Variants in MAP4K4 observed in about 807,000 individuals in gnomAD.
The protein encoded by MAP4K4 is mitogen-activated protein kinase kinase kinase kinase 4, also known as HPK/GCK-like kinase HGK.
Under a neutral mutation model 189.6 loss-of-function variants are expected in MAP4K4, and 38 were observed. That is an observed-to-expected ratio of 0.20 (90% confidence interval 0.15 to 0.26). The LOEUF (loss-of-function observed/expected upper bound fraction) is 0.26, where lower values mean the gene tolerates loss of function less well. MAP4K4 is among the 10% of genes least tolerant of loss of function. The pLI, the probability that MAP4K4 is intolerant of heterozygous loss-of-function variation, is 1.00. For missense variants in MAP4K4, 1,054 were observed against 1,726.9 expected (o/e 0.61, Z 6.91); for synonymous variants, 610 against 624.3 (o/e 0.98, Z 0.34).
chr2:101,739,097 C>A (rs945757282), intron 2 of MAP4K4, among the ~76,000 whole-genome samples: 1 of 152,058 alleles, frequency 6.6e-6, no homozygotes, highest in Non-Finnish European at 1.5e-5. Context: ...CTGTGACTTA[C>A]GAATAGTACA....
chr2:101,747,582 C>G (rs983924832), intron 2 of MAP4K4, among the ~76,000 whole-genome samples: 7 of 152,172 alleles, frequency 4.6e-5, no homozygotes, highest in East Asian at 1.9e-4. Flanking sequence ...TAGAGAAGAT[C>G]TGCACTGCAA....
intron 3 of MAP4K4, among the ~76,000 whole-genome samples, chr2:101,817,327 T>C (rs2095791018): frequency 6.6e-6 from 1 of 152,124 alleles, no homozygotes. Flanking sequence ...AAGATCACCA[T>C]GTTCGTTATT....
At chr2:101,774,298 C>T (rs1276529167) in intron 2 of MAP4K4, among the ~76,000 whole-genome samples, 1 of 152,190 alleles carries the variant, frequency 6.6e-6, no homozygotes, top group Non-Finnish European at 1.5e-5. Flanking sequence ...ATTTGCATTT[C>T]TCTGATGATC....
At chr2:101,873,311 C>T (rs1298618311) in intron 24 of MAP4K4, among the ~76,000 whole-genome samples, 1 of 152,140 alleles carries the variant, frequency 6.6e-6, no homozygotes, top group African/African-American at 2.4e-5. Flanking sequence ...CATTTCAGAC[C>T]TCCTTTAGGA....
At chr2:101,870,824 C>T (rs1577129595) in intron 23 of MAP4K4, among the ~76,000 whole-genome samples, 1 of 152,034 alleles carries the variant, frequency 6.6e-6, no homozygotes, top group Admixed American at 6.5e-5. Context: ...ACAGTGGGAG[C>T]GGGTGAGGCA....
At chr2:101,824,343 G>A (rs1253697408) in intron 4 of MAP4K4, among the ~76,000 whole-genome samples, 2 of 152,114 alleles carry the variant, frequency 1.3e-5, no homozygotes, top group Non-Finnish European at 2.9e-5. Context: ...GAAATTAGGA[G>A]CTTGAAAGCA....
exon 18 of MAP4K4, chr2:101,864,933 C>A: frequency 6.4e-7 from 1 of 1,559,364 alleles, no homozygotes; most frequent in Non-Finnish European, 8.7e-7. Flanking sequence ...CTTAAAGGTT[C>A]CTGTGAGAAC....
At chr2:101,878,145 C>G (rs2098269299) in intron 27 of MAP4K4, among the ~76,000 whole-genome samples, 1 of 152,210 alleles carries the variant, frequency 6.6e-6, no homozygotes, top group Non-Finnish European at 1.5e-5. Flanking sequence ...AAAGTAGAAT[C>G]ATCCAGAGAT....
At chr2:101,710,712 T>TA (rs529858929) in intron 2 of MAP4K4, among the ~76,000 whole-genome samples, 33 of 152,320 alleles carry the variant, frequency 2.2e-4, no homozygotes, top group Non-Finnish European at 4.0e-4. Context: ...ATAAAACAGA[T>TA]ACGGTGGTAT....
intron 10 of MAP4K4, 93 bp downstream of exon 10, chr2:101,840,087 T>G: frequency 8.0e-7 from 1 of 1,257,338 alleles, no homozygotes; most frequent in Non-Finnish European, 1.1e-6. Flanking sequence ...GCTGTGAGAG[T>G]GCTCACTTGG....
intron 23 of MAP4K4, 109 bp from the exon 24 acceptor site, chr2:101,871,385 A>T: frequency 1.2e-6 from 1 of 847,460 alleles, no homozygotes; most frequent in Admixed American, 2.9e-5. Flanking sequence ...TTTCCTTGGT[A>T]ATTTAGCAGA....
At chr2:101,882,443 G>A (rs1364268528) in intron 27 of MAP4K4, 108 bp from the exon 28 acceptor site, 7 of 799,158 alleles carry the variant, frequency 8.8e-6, no homozygotes, top group Non-Finnish European at 1.3e-5. Flanking sequence ...CCTTTCACTA[G>A]GTTTAAGTGC....
In MAP4K4 at chr2:101,705,990, T is replaced by TA. The variant is rs543526153; in HGVS notation, c.123+7455dup. Among the ~76,000 whole-genome samples the TA allele has an allele frequency of 3.3e-5, 5 of 152,308 alleles. 1 individual carries two copies. The South Asian group carries it at 1.0e-3, about 32-fold the overall frequency. ...TATGAACAAGTTATCCTATTAAATT[T>TA]AAATAAATGAAAGAAAAACCCCACT... On this transcript the variant is annotated intron_variant, in intron 2 of 32. Coordinates refer to ENST00000324219, the Ensembl canonical transcript of MAP4K4.
At chr2:101,745,330 C>T (rs1231202596) in intron 2 of MAP4K4, among the ~76,000 whole-genome samples, 1 of 65,302 alleles carries the variant, frequency 1.5e-5, no homozygotes, top group Non-Finnish European at 3.0e-5. Context: ...AAAATATCAC[C>T]CCCCCCCCCC....
chr2:101,859,758 C>G (rs61741751), exon 15 of MAP4K4: 1 of 1,610,054 alleles, frequency 6.2e-7, no homozygotes, highest in Non-Finnish European at 8.5e-7. Context: ...AGGCCGCACC[C>G]GCAGCACTCG....
intron 2 of MAP4K4, among the ~76,000 whole-genome samples, chr2:101,768,137 A>C (rs1399130752): frequency 6.6e-6 from 1 of 152,214 alleles, no homozygotes; most frequent in East Asian, 1.9e-4. Flanking sequence ...ATTATCTTGT[A>C]TCATAACGTT....
chr2:101,888,219 G>T (rs1254404701), intron 31 of MAP4K4, among the ~76,000 whole-genome samples: 1 of 152,082 alleles, frequency 6.6e-6, no homozygotes, highest in South Asian at 2.1e-4. Flanking sequence ...ACATGTTTTT[G>T]TTGACCACTT....
Position 101,701,209 on chromosome 2 carries a change from G to A in MAP4K4, c.123+2671G>A, listed in dbSNP as rs541972803. On this transcript the variant is annotated intron_variant, in intron 2 of 32. Transcript: ENST00000324219. ...TTAGCGCAGATGTTGCTTATTTTGA[G>A]GCAACTATATTTACATGAAGTGAGT... Among the ~76,000 whole-genome samples the A allele has an allele frequency of 2.0e-5, 3 of 152,212 alleles. No homozygotes were observed. In the South Asian group the frequency reaches 6.2e-4, roughly 32 times the overall value.
chr2:101,867,785 T>A (rs758343037), intron 20 of MAP4K4: 12 of 482,426 alleles, frequency 2.5e-5, no homozygotes, highest in Admixed American at 3.7e-5. Context: ...TACCTTCTGC[T>A]TTTTGGTACC....
Sources: allele counts gnomAD v4.1 joint callset (sites outside exome capture counted in the v4.1 genomes callset), GRCh38; gene constraint gnomAD v4.1.1; transcripts MANE v1.5; gene names NCBI Gene and HGNC (gene_info 2026-07-23, HGNC 2026-07-21).